GRID1: variants seen among roughly 807,000 people sequenced by gnomAD.
The protein encoded by GRID1 is glutamate receptor ionotropic, delta-1.
In GRID1, 28 loss-of-function variants were observed where a neutral mutation model predicts 98.0. The ratio of observed to expected loss-of-function variants is 0.29; its 90% CI spans 0.21 to 0.39. The LOEUF (loss-of-function observed/expected upper bound fraction) is 0.39. Among genes scored for constraint, GRID1 ranks in the 10% least tolerant of loss-of-function variants. The pLI, the probability that GRID1 is intolerant of heterozygous loss-of-function variation, is 1.00. For missense variants in GRID1, 1,111 were observed against 1,340.5 expected, an observed-to-expected ratio of 0.83 and a Z score of 2.67; for synonymous variants, 553 against 538.5, an observed-to-expected ratio of 1.03 and a Z score of -0.37.
intron 12 of GRID1, among the ~76,000 whole-genome samples, chr10:85,714,083 A>G (rs1201868048): frequency 6.6e-6 from 1 of 151,970 alleles, no homozygotes; most frequent in African/African-American, 2.4e-5. Context: ...CATAAAAAAG[A>G]AGAAGATAAT....
chr10:85,940,084 AAAAAGAG>A (rs1385080960), intron 4 of GRID1, among the ~76,000 whole-genome samples: 111 of 151,352 alleles, frequency 7.3e-4, no homozygotes, highest in Middle Eastern at 3.4e-3. Flanking sequence ...AAAAAAAAAA[AAAAAGAG>A]AGAGAGAGAG....
chr10:85,697,848 G>A (rs1188550831), intron 12 of GRID1, among the ~76,000 whole-genome samples: 2 of 152,128 alleles, frequency 1.3e-5, no homozygotes, highest in African/African-American at 4.8e-5. Flanking sequence ...TAGAGATCTA[G>A]TCATATACGG....
At chr10:86,262,613 C>T (rs57803650) in intron 2 of GRID1, among the ~76,000 whole-genome samples, 9,827 of 152,214 alleles carry the variant, frequency 0.065, 477 homozygotes, top group African/African-American at 0.14. Context: ...GGACCACAGC[C>T]CTGTTAGGAA....
At chr10:86,280,805 A>G (rs1847347265) in intron 2 of GRID1, among the ~76,000 whole-genome samples, 1 of 152,152 alleles carries the variant, frequency 6.6e-6, no homozygotes, top group African/African-American at 2.4e-5. Context: ...CTGTCAGTGC[A>G]TAACATATCC....
In GRID1 at chr10:85,919,075, C is replaced by A. The variant is rs914742786; in HGVS notation, c.727-2836G>T. Among the ~76,000 whole-genome samples, 5 of 151,462 alleles carry A rather than the reference C, an allele frequency of 3.3e-5. No homozygotes were observed. In the South Asian group the frequency reaches 8.3e-4, roughly 25 times the overall value. On this transcript the variant is annotated intron_variant, in intron 4 of 15. Transcript: ENST00000327946. ...GCCTCTTGGCTTCAGGGGCTGAGAGCCCTGCTTCAGAATATGTAGTTCTGT... is the reference window on the plus strand; with the variant it reads ...GCCTCTTGGCTTCAGGGGCTGAGAGACCTGCTTCAGAATATGTAGTTCTGT...
intron 2 of GRID1, among the ~76,000 whole-genome samples, chr10:86,321,400 A>T (rs766985548): frequency 1.8e-4 from 28 of 152,302 alleles, no homozygotes; most frequent in Non-Finnish European, 3.8e-4. Flanking sequence ...AAGTAACATA[A>T]ACACTTTTTT....
At chr10:85,832,142 A>C (rs1430998744) in intron 8 of GRID1, among the ~76,000 whole-genome samples, 1 of 152,148 alleles carries the variant, frequency 6.6e-6, no homozygotes, top group African/African-American at 2.4e-5. Context: ...TCAAGAAATA[A>C]TATAAAATCT....
chr10:86,073,023 A>T (rs1843825996), intron 4 of GRID1, among the ~76,000 whole-genome samples: 1 of 152,268 alleles, frequency 6.6e-6, no homozygotes, highest in African/African-American at 2.4e-5. Flanking sequence ...GTGAGTATTG[A>T]GAATAAAGAA....
chr10:85,814,862 T>G (rs1408646424), intron 8 of GRID1, among the ~76,000 whole-genome samples: 1 of 151,990 alleles, frequency 6.6e-6, no homozygotes, highest in Non-Finnish European at 1.5e-5. Flanking sequence ...GCACAATTTC[T>G]TCTAGAAAAC....
chr10:86,086,940 T>C (rs1006508317), intron 4 of GRID1, among the ~76,000 whole-genome samples: 3 of 152,238 alleles, frequency 2.0e-5, no homozygotes, highest in African/African-American at 7.2e-5. Context: ...GCTGAACTAA[T>C]TGCAAACTCA....
At chr10:85,704,574 A>C (rs1841492213) in intron 12 of GRID1, among the ~76,000 whole-genome samples, 1 of 152,216 alleles carries the variant, frequency 6.6e-6, no homozygotes, top group East Asian at 1.9e-4. Flanking sequence ...ACAGAAAGTT[A>C]ACAAGGATAT....
chr10:85,889,374 T>C (rs1841162687), intron 5 of GRID1, among the ~76,000 whole-genome samples: 2 of 152,208 alleles, frequency 1.3e-5, no homozygotes, highest in African/African-American at 4.8e-5. Context: ...ACCACTGTTC[T>C]ACTCTCTACT....
At chr10:86,223,313 G>C (rs1029936482) in intron 2 of GRID1, among the ~76,000 whole-genome samples, 20 of 152,214 alleles carry the variant, frequency 1.3e-4, no homozygotes, top group African/African-American at 4.8e-4. Context: ...CCTGGAAAGA[G>C]ACAAAGAGAT....
intron 2 of GRID1, among the ~76,000 whole-genome samples, chr10:86,340,250 T>C (rs1299834656): frequency 1.3e-5 from 2 of 152,046 alleles, no homozygotes; most frequent in African/African-American, 4.8e-5. Flanking sequence ...GAGAGATGCA[T>C]AGCAAGCAAA....
intron 8 of GRID1, among the ~76,000 whole-genome samples, chr10:85,770,474 A>G (rs1214080197): frequency 6.6e-6 from 1 of 152,256 alleles, no homozygotes; most frequent in Non-Finnish European, 1.5e-5. Context: ...AGCTGGACGG[A>G]GAATGCCTTT....
rs142990384 is a variant in GRID1 at position 86,132,666 on chromosome 10, T to C, written c.726+6153A>G. ...TGTTAGAGTGAGAAATATTTGCATATATCATGTGGGACAACAGAACGTTGA... is the reference window on the plus strand; with the variant it reads ...TGTTAGAGTGAGAAATATTTGCATACATCATGTGGGACAACAGAACGTTGA... On this transcript the variant is annotated intron_variant, in intron 4 of 15. Coordinates refer to ENST00000327946, the MANE Select transcript of GRID1 (RefSeq NM_017551.3). Among the ~76,000 whole-genome samples the C allele has an allele frequency of 1.9e-3, 286 of 152,322 alleles. 3 individuals are homozygous for C. Among genetic ancestry groups the C allele is most frequent in the South Asian group, 4.6e-3 (22 of 4,820 alleles).
chr10:86,334,851 C>G (rs1315893319), intron 2 of GRID1, among the ~76,000 whole-genome samples: 1 of 152,224 alleles, frequency 6.6e-6, no homozygotes, highest in African/African-American at 2.4e-5. Flanking sequence ...TTCCAGAACA[C>G]AGGCCTGTTA....
intron 2 of GRID1, among the ~76,000 whole-genome samples, chr10:86,287,255 C>G (rs1224056647): frequency 6.6e-6 from 1 of 152,146 alleles, no homozygotes; most frequent in Non-Finnish European, 1.5e-5. Flanking sequence ...TCCCCAAATT[C>G]CCCCCTGTAT....
chr10:86,070,252 G>T (rs1843784534), intron 4 of GRID1, among the ~76,000 whole-genome samples: 1 of 152,132 alleles, frequency 6.6e-6, no homozygotes, highest in Non-Finnish European at 1.5e-5. Flanking sequence ...ATCCAGCCTT[G>T]GAAGAAGGCA....
Sources: gnomAD v4.1 joint callset for allele counts (sites outside exome capture counted in the v4.1 genomes callset) on GRCh38, gnomAD v4.1.1 for gene constraint, MANE v1.5 for transcripts, NCBI Gene and HGNC (gene_info 2026-07-23, HGNC 2026-07-21) for gene names.